LSAMP: variants seen among roughly 807,000 people sequenced by gnomAD.
LSAMP encodes limbic system associated membrane protein.
LSAMP carries 7 observed loss-of-function variants against 38.6 expected under a neutral mutation model. That is an observed-to-expected ratio of 0.18 (90% CI 0.10 to 0.34). The LOEUF (loss-of-function observed/expected upper bound fraction) is 0.34, where lower values mean the gene tolerates loss of function less well. LSAMP is among the 10% of genes least tolerant of loss of function. The pLI is 1.00. For missense variants in LSAMP, 313 were observed against 420.0 expected, an observed-to-expected ratio of 0.75 and a Z score of 2.23; for synonymous variants, 154 against 166.8, an observed-to-expected ratio of 0.92 and a Z score of 0.59.
intron 3 of LSAMP, among the ~76,000 whole-genome samples, chr3:116,007,522 T>C (rs1251349710): frequency 6.6e-6 from 1 of 152,196 alleles, no homozygotes; most frequent in Non-Finnish European, 1.5e-5. Flanking sequence ...TATGTTAGAC[T>C]CAAACATCAT....
At position 116,156,502 on chromosome 3, in the gene LSAMP, C is replaced by T. The variant is rs79683213; in HGVS notation, c.156-69946G>A. On this transcript the variant is annotated intron_variant, in intron 1 of 6. Transcript: ENST00000490035. ...TGTACATAGGAGGATGCCTGGATGT[C>T]GGTGGACAGAAAGTGTGATGTGATG... 4.3e-3 allele frequency among the ~76,000 whole-genome samples: 661 copies of T among 151,998 alleles called. 7 individuals are homozygous for T. The highest frequency in any genetic ancestry group is 0.015 in the African/African-American group (613 of 41,462).
At chr3:116,074,531 T>A (rs1707688113) in intron 2 of LSAMP, among the ~76,000 whole-genome samples, 1 of 152,194 alleles carries the variant, frequency 6.6e-6, no homozygotes, top group African/African-American at 2.4e-5. Context: ...AGTCAAATGA[T>A]ACAAATATAT....
intron 3 of LSAMP, among the ~76,000 whole-genome samples, chr3:115,930,186 C>T (rs913318474): frequency 6.6e-6 from 1 of 151,870 alleles, no homozygotes; most frequent in Non-Finnish European, 1.5e-5. Context: ...CAATGGTATG[C>T]TCTTCTCAGC....
At chr3:116,367,466 G>A (rs2048368967) in intron 1 of LSAMP, among the ~76,000 whole-genome samples, 1 of 146,750 alleles carries the variant, frequency 6.8e-6, no homozygotes, top group Admixed American at 6.8e-5. Flanking sequence ...AGAGAATGTT[G>A]CTTTCTCTTC....
At chr3:116,289,414 AT>A (rs902837149) in intron 1 of LSAMP, among the ~76,000 whole-genome samples, 3 of 151,698 alleles carry the variant, frequency 2.0e-5, no homozygotes, top group East Asian at 1.9e-4. Flanking sequence ...CTTAGAACAA[AT>A]TTTTTTTTCA....
At chr3:115,998,497 C>T (rs1939892665) in intron 3 of LSAMP, among the ~76,000 whole-genome samples, 1 of 152,038 alleles carries the variant, frequency 6.6e-6, no homozygotes, top group South Asian at 2.1e-4. Context: ...ATGGGACTTT[C>T]AGTGGTCACT....
intron 3 of LSAMP, among the ~76,000 whole-genome samples, chr3:115,895,973 G>A (rs1401469105): frequency 6.6e-6 from 1 of 152,032 alleles, no homozygotes; most frequent in African/African-American, 2.4e-5. Flanking sequence ...AACATCTATT[G>A]TTGTACAACA....
At chr3:116,264,434 C>T (rs190335826) in intron 1 of LSAMP, among the ~76,000 whole-genome samples, 60 of 152,290 alleles carry the variant, frequency 3.9e-4, no homozygotes, top group Non-Finnish European at 4.6e-4. Context: ...GGCTTCAGCA[C>T]AGCCTCATCA....
Position 115,862,913 on chromosome 3 carries a change from G to A in LSAMP, c.515-10296C>T, listed in dbSNP as rs570966346. Among the ~76,000 whole-genome samples, 166 of 152,278 alleles carry A rather than the reference G, an allele frequency of 1.1e-3. 1 individual carries two copies. Among genetic ancestry groups the A allele is most frequent in the African/African-American group, 1.3e-3 (52 of 41,560 alleles). On this transcript the variant is annotated intron_variant, in intron 3 of 6. Coordinates refer to ENST00000490035, the MANE Select transcript of LSAMP (RefSeq NM_002338.5). ...TGTCAGGAGCGCAGGTAGAGGTGGC[G>A]TGGGAGAGAAAAGAAGAGAGCACTT...
intron 1 of LSAMP, among the ~76,000 whole-genome samples, chr3:116,166,851 C>T (rs1405728143): frequency 1.5e-5 from 2 of 137,772 alleles, no homozygotes; most frequent in South Asian, 2.3e-4. Flanking sequence ...AGTGCAGTGG[C>T]GCGATCTCAG....
intron 1 of LSAMP, among the ~76,000 whole-genome samples, chr3:116,311,845 C>A (rs917838165): frequency 1.3e-5 from 2 of 152,138 alleles, no homozygotes; most frequent in Non-Finnish European, 2.9e-5. Flanking sequence ...GTAGTATTAG[C>A]AGTACTTGCT....
intron 6 of LSAMP, among the ~76,000 whole-genome samples, chr3:115,813,421 A>T (rs1384769392): frequency 6.6e-6 from 1 of 152,144 alleles, no homozygotes; most frequent in African/African-American, 2.4e-5. Flanking sequence ...AGGTTTGTGT[A>T]AGTATATTCT....
At chr3:116,349,848 G>T (rs1210420161) in intron 1 of LSAMP, among the ~76,000 whole-genome samples, 1 of 151,892 alleles carries the variant, frequency 6.6e-6, no homozygotes, top group Non-Finnish European at 1.5e-5. Flanking sequence ...AAAAGAAGAC[G>T]TTTGGGCATA....
chr3:116,156,935 C>T (rs572962603), intron 1 of LSAMP, among the ~76,000 whole-genome samples: 42 of 152,178 alleles, frequency 2.8e-4, no homozygotes, highest in Non-Finnish European at 5.6e-4. Context: ...TGGATAGATG[C>T]TTCCAAGATG....
intron 1 of LSAMP, among the ~76,000 whole-genome samples, chr3:116,113,429 T>A (rs1320059116): frequency 1.7e-5 from 2 of 120,616 alleles, no homozygotes; most frequent in African/African-American, 6.7e-5. Context: ...TATTTTTTTT[T>A]TTTTTTTTTT....
chr3:115,835,361 G>A (rs993609203), intron 6 of LSAMP, among the ~76,000 whole-genome samples: 6 of 152,262 alleles, frequency 3.9e-5, no homozygotes, highest in African/African-American at 1.4e-4. Context: ...ATAAGCTACT[G>A]ACCATAGATA....
At chr3:116,049,299 G>GGCT (rs1941348499) in intron 2 of LSAMP, among the ~76,000 whole-genome samples, 1 of 152,180 alleles carries the variant, frequency 6.6e-6, no homozygotes, top group Non-Finnish European at 1.5e-5. Context: ...GCTTGATTCA[G>GGCT]GGCCAGCCTG....
At chr3:116,128,320 A>T (rs1328380689) in intron 1 of LSAMP, among the ~76,000 whole-genome samples, 1 of 152,210 alleles carries the variant, frequency 6.6e-6, no homozygotes, top group South Asian at 2.1e-4. Context: ...AATTTAGCCA[A>T]TTTCTCATAG....
chr3:116,419,916 G>A (rs1201398018), intron 1 of LSAMP, among the ~76,000 whole-genome samples: 7 of 152,052 alleles, frequency 4.6e-5, no homozygotes, highest in African/African-American at 1.2e-4. Context: ...TAACTCTCAC[G>A]TCAGTTTCTC....
Sources: gnomAD v4.1 joint callset for allele counts (sites outside exome capture counted in the v4.1 genomes callset) on GRCh38, gnomAD v4.1.1 for gene constraint, MANE v1.5 for transcripts, NCBI Gene and HGNC (gene_info 2026-07-23, HGNC 2026-07-21) for gene names.